SKAP1: variants seen among roughly 807,000 people sequenced by gnomAD.
SKAP1 encodes src kinase-associated phosphoprotein 1.
SKAP1 carries 44 observed loss-of-function variants against 58.5 expected under a neutral mutation model. That is an observed-to-expected ratio of 0.75 (90% CI 0.59 to 0.97). The LOEUF is 0.97. Among genes scored for constraint, SKAP1 ranks in the 50% least tolerant of loss-of-function variants. The pLI is 0.00. For missense variants in SKAP1, 390 were observed against 435.2 expected (o/e 0.90, Z 0.92); for synonymous variants, 127 against 149.7 (o/e 0.85, Z 1.11).
chr17:48,332,365 A>G (rs1419293767), intron 4 of SKAP1, among the ~76,000 whole-genome samples: 6 of 152,174 alleles, frequency 3.9e-5, no homozygotes, highest in African/African-American at 1.4e-4. Context: ...TTAAGTTAAC[A>G]TCTTGGAAAT....
At chr17:48,357,798 A>T (rs1315133858) in intron 3 of SKAP1, among the ~76,000 whole-genome samples, 1 of 152,228 alleles carries the variant, frequency 6.6e-6, no homozygotes, top group East Asian at 1.9e-4. Flanking sequence ...CAAAATTAGT[A>T]ATTAACTTCA....
At chr17:48,273,502 C>T (rs1194925936) in intron 4 of SKAP1, among the ~76,000 whole-genome samples, 1 of 150,092 alleles carries the variant, frequency 6.7e-6, no homozygotes, top group African/African-American at 2.5e-5. Context: ...GCTCGATCTC[C>T]GCCTCCCTGG....
chr17:48,263,669 T>C (rs1403035213), intron 4 of SKAP1, among the ~76,000 whole-genome samples: 2 of 152,130 alleles, frequency 1.3e-5, no homozygotes, highest in African/African-American at 2.4e-5. Flanking sequence ...GGAGAAAATA[T>C]GTCCGTTCTT....
intron 4 of SKAP1, among the ~76,000 whole-genome samples, chr17:48,279,490 A>G (rs1360614753): frequency 6.6e-6 from 1 of 152,242 alleles, no homozygotes; most frequent in Admixed American, 6.5e-5. Context: ...AGGACTTTGC[A>G]TGTTAAAAAT....
chr17:48,273,572 C>T (rs574170861), intron 4 of SKAP1, among the ~76,000 whole-genome samples: 3 of 152,094 alleles, frequency 2.0e-5, no homozygotes, highest in Non-Finnish European at 4.4e-5. Context: ...CACCTGCCAC[C>T]GCGCCTGGCT....
chr17:48,221,965 A>G (rs1314146398), intron 4 of SKAP1, among the ~76,000 whole-genome samples: 1 of 152,182 alleles, frequency 6.6e-6, no homozygotes, highest in Non-Finnish European at 1.5e-5. Context: ...CAATTGGTTA[A>G]CATCTATAAT....
At chr17:48,389,002 T>C (rs1330508041) in intron 2 of SKAP1, among the ~76,000 whole-genome samples, 1 of 152,204 alleles carries the variant, frequency 6.6e-6, no homozygotes, top group Non-Finnish European at 1.5e-5. Context: ...TTCTGTAAAT[T>C]ATAATGAGAA....
intron 4 of SKAP1, among the ~76,000 whole-genome samples, chr17:48,213,732 C>T (rs1000424568): frequency 4.6e-5 from 7 of 152,222 alleles, no homozygotes; most frequent in Middle Eastern, 3.2e-3. Flanking sequence ...ATCTCCATAA[C>T]AGGAATGATA....
intron 11 of SKAP1, among the ~76,000 whole-genome samples, chr17:48,151,340 A>C (rs2063900483): frequency 6.6e-6 from 1 of 152,246 alleles, no homozygotes; most frequent in Non-Finnish European, 1.5e-5. Context: ...TTACTTAGGC[A>C]TCCAGTAATT....
intron 4 of SKAP1, among the ~76,000 whole-genome samples, chr17:48,207,252 G>A: frequency 6.6e-6 from 1 of 152,094 alleles, no homozygotes; most frequent in Non-Finnish European, 1.5e-5. Flanking sequence ...TGGAGGCCGA[G>A]GCAGGCAGAT....
chr17:48,307,272 A>T (rs2066155635), intron 4 of SKAP1: 1 of 152,232 alleles, frequency 6.6e-6, no homozygotes, highest in African/African-American at 2.4e-5. Flanking sequence ...CCAAGATTAC[A>T]CTGACTGACT....
intron 4 of SKAP1, among the ~76,000 whole-genome samples, chr17:48,267,555 C>G (rs1166760245): frequency 6.6e-6 from 1 of 152,090 alleles, no homozygotes; most frequent in Non-Finnish European, 1.5e-5. Flanking sequence ...AATTATTGCC[C>G]TATATTAATC....
chr17:48,221,644 C>G (rs115624075), intron 4 of SKAP1, among the ~76,000 whole-genome samples: 3 of 152,166 alleles, frequency 2.0e-5, no homozygotes, highest in African/African-American at 7.2e-5. Flanking sequence ...TAATTCTGTT[C>G]GTGCCGCAAG....
At chr17:48,185,275 C>T (rs1039219572) in intron 6 of SKAP1, 2 of 157,874 alleles carry the variant, frequency 1.3e-5, no homozygotes, top group Admixed American at 6.5e-5. Context: ...TTATAAGGTC[C>T]CAGAATCGCC....
At chr17:48,154,107 A>G (rs2063939233) in intron 11 of SKAP1, among the ~76,000 whole-genome samples, 1 of 152,176 alleles carries the variant, frequency 6.6e-6, no homozygotes, top group African/African-American at 2.4e-5. Flanking sequence ...TAAGTAGCCC[A>G]TTGAGGAAGT....
the SKAP1 span, among the ~76,000 whole-genome samples, chr17:48,440,698 C>T: frequency 1.3e-4 from 20 of 152,218 alleles, no homozygotes; most frequent in African/African-American, 4.8e-4. Flanking sequence ...TCCTCCCACC[C>T]TCAGTGGACT....
chr17:48,429,543 T>C (rs1056413132), intron 1 of SKAP1, among the ~76,000 whole-genome samples: 1 of 151,578 alleles, frequency 6.6e-6, no homozygotes, highest in African/African-American at 2.4e-5. Context: ...GTCTGCAGGG[T>C]GATAAAGGGA....
chr17:48,330,903 G>A (rs537515692), intron 4 of SKAP1, among the ~76,000 whole-genome samples: 3 of 152,196 alleles, frequency 2.0e-5, no homozygotes, highest in East Asian at 3.9e-4. Flanking sequence ...CCCATGGCAA[G>A]GATTCTGTTA....
intron 4 of SKAP1, among the ~76,000 whole-genome samples, chr17:48,314,561 T>C (rs1052835186): frequency 3.3e-5 from 5 of 152,132 alleles, no homozygotes; most frequent in African/African-American, 1.2e-4. Flanking sequence ...ACTCTTTAAG[T>C]AGGAAATTAT....
Sources: gnomAD v4.1 joint callset for allele counts (sites outside exome capture counted in the v4.1 genomes callset) on GRCh38, gnomAD v4.1.1 for gene constraint, MANE v1.5 for transcripts, NCBI Gene and HGNC (gene_info 2026-07-23, HGNC 2026-07-21) for gene names.